Variants in DISC1 observed in about 807,000 individuals in gnomAD.
DISC1 encodes disrupted in schizophrenia 1 protein.
In DISC1, 57 loss-of-function variants were observed where a neutral mutation model predicts 84.5. The observed-to-expected ratio is 0.67, with a 90% confidence interval of 0.55 to 0.84. The LOEUF (loss-of-function observed/expected upper bound fraction) is 0.84, where lower values mean the gene tolerates loss of function less well. Ranked by LOEUF, DISC1 falls within the 40% of genes least tolerant of loss-of-function variation. The probability of loss-of-function intolerance (pLI) is 0.00; values close to 1 mark genes in which losing one functional copy is unlikely to be tolerated. For missense variants in DISC1, 1,000 were observed against 1,057.8 expected (o/e 0.95, Z 0.76); for synonymous variants, 411 against 415.2 (o/e 0.99, Z 0.12).
intron 9 of DISC1, among the ~76,000 whole-genome samples, chr1:231,924,096 A>G (rs2090186267): frequency 6.6e-6 from 1 of 152,244 alleles, no homozygotes; most frequent in African/African-American, 2.4e-5. Context: ...TGATTGAATC[A>G]CAGAATTTAA....
chr1:231,648,826 T>G (rs1261015298), intron 1 of DISC1, among the ~76,000 whole-genome samples: 3 of 152,144 alleles, frequency 2.0e-5, no homozygotes, highest in Non-Finnish European at 4.4e-5. Flanking sequence ...TTCTCCTCGA[T>G]TTTTCTAGTT....
chr1:231,663,146 G>A (rs1412495711), intron 1 of DISC1, among the ~76,000 whole-genome samples: 1 of 152,120 alleles, frequency 6.6e-6, no homozygotes. Flanking sequence ...GATGTAAATA[G>A]TAACAAAAAG....
intron 8 of DISC1, among the ~76,000 whole-genome samples, chr1:231,812,891 T>C (rs968609889): frequency 2.0e-5 from 3 of 152,224 alleles, no homozygotes; most frequent in African/African-American, 7.2e-5. Context: ...AAAATGCCTA[T>C]AAAGTATTGA....
intron 1 of DISC1, among the ~76,000 whole-genome samples, chr1:231,627,967 T>C (rs1188782083): frequency 6.6e-6 from 1 of 152,186 alleles, no homozygotes; most frequent in Non-Finnish European, 1.5e-5. Flanking sequence ...CAGTACCTGC[T>C]TCATAGGGTT....
rs113592724 is a variant in DISC1 at position 231,959,086 on chromosome 1, G to T, written c.2042+198G>T. 22 of 1,357,210 alleles carry T rather than the reference G, an allele frequency of 1.6e-5. No homozygotes were observed. In the African/African-American group the frequency reaches 1.6e-4, roughly 10 times the overall value. 84.1% of individuals were successfully genotyped at this position (1,357,210 alleles called of 1,614,324 possible). On this transcript the variant is annotated intron_variant, in intron 10 of 12. Transcript: ENST00000439617. ...CATCTTGTCTTTTAAAAAGTAAGTA[G>T]ATTAAGATGTTTAAAAGTGTCTTGG...
intron 1 of DISC1, among the ~76,000 whole-genome samples, chr1:231,686,973 C>T (rs1288904695): frequency 2.6e-5 from 4 of 152,154 alleles, no homozygotes; most frequent in East Asian, 1.9e-4. Context: ...TAACAAGAGT[C>T]ACCTTTGCTC....
At chr1:231,948,427 G>C (rs1033644464) in intron 9 of DISC1, among the ~76,000 whole-genome samples, 2 of 152,106 alleles carry the variant, frequency 1.3e-5, no homozygotes, top group African/African-American at 2.4e-5. Context: ...GACATAGGGA[G>C]GGGAACATCA....
chr1:231,952,728 T>A (rs1341000532), intron 9 of DISC1, among the ~76,000 whole-genome samples: 1 of 148,224 alleles, frequency 6.7e-6, no homozygotes, highest in African/African-American at 2.5e-5. Context: ...TATATATATA[T>A]AAACTTATTT....
intron 6 of DISC1, among the ~76,000 whole-genome samples, chr1:231,777,622 A>G (rs1036269586): frequency 2.0e-5 from 3 of 152,248 alleles, no homozygotes; most frequent in Middle Eastern, 3.4e-3. Flanking sequence ...TGTGTGAGCA[A>G]TGCTGGCCAG....
intron 6 of DISC1, among the ~76,000 whole-genome samples, chr1:231,775,107 C>G (rs2076863727): frequency 6.6e-6 from 1 of 152,168 alleles, no homozygotes. Flanking sequence ...GTTACAAAAC[C>G]TAGAGAAACA....
chr1:231,918,840 C>T (rs891261020), intron 9 of DISC1, among the ~76,000 whole-genome samples: 2 of 152,164 alleles, frequency 1.3e-5, no homozygotes, highest in Admixed American at 6.6e-5. Flanking sequence ...TGGAAGGCTT[C>T]GTGCACCAGC....
At chr1:231,966,316 T>C (rs1240616007) in intron 10 of DISC1, among the ~76,000 whole-genome samples, 2 of 152,230 alleles carry the variant, frequency 1.3e-5, no homozygotes, top group Non-Finnish European at 2.9e-5. Flanking sequence ...GGGTTATTGT[T>C]TCCAGAGGTG....
chr1:231,745,808 G>A (rs2073914742), intron 3 of DISC1, among the ~76,000 whole-genome samples: 2 of 152,124 alleles, frequency 1.3e-5, no homozygotes, highest in African/African-American at 4.8e-5. Flanking sequence ...ATGTTGAAAT[G>A]TGATCCCCAG....
chr1:231,804,018 A>G (rs1424444752), intron 8 of DISC1, among the ~76,000 whole-genome samples: 1 of 151,590 alleles, frequency 6.6e-6, no homozygotes, highest in Non-Finnish European at 1.5e-5. Flanking sequence ...GTCACACAGC[A>G]TCACTTCTGC....
chr1:231,723,412 T>C (rs2070156181), intron 3 of DISC1: 1 of 985,600 alleles, frequency 1.0e-6, no homozygotes, highest in African/African-American at 1.7e-5. Context: ...TCCAGAATTA[T>C]TGCTGTGAGA....
rs74144131 is a variant in DISC1, at chr1:231,773,267, T to A, written c.1634+2197T>A. ...ATAGAACTGAGCCCAGGACTTGGTCTGGTTTTCTACCTGTATCCTCTGGTT... is the reference window on the plus strand; with the variant it reads ...ATAGAACTGAGCCCAGGACTTGGTCAGGTTTTCTACCTGTATCCTCTGGTT... On this transcript the variant is annotated intron_variant, in intron 6 of 12. Coordinates refer to ENST00000439617, the MANE Select transcript of DISC1 (RefSeq NM_018662.3). 2.0e-3 allele frequency among the ~76,000 whole-genome samples: 300 copies of A among 152,362 alleles called. 1 individual carries two copies. Among genetic ancestry groups the A allele is most frequent in the African/African-American group, 6.9e-3 (288 of 41,590 alleles).
chr1:231,753,700 A>T (rs993991698), intron 4 of DISC1, among the ~76,000 whole-genome samples: 1 of 152,126 alleles, frequency 6.6e-6, no homozygotes, highest in Non-Finnish European at 1.5e-5. Context: ...TTTCTACCAC[A>T]TGGCCAAGCT....
chr1:231,747,731 C>T (rs2074165017), intron 3 of DISC1, among the ~76,000 whole-genome samples: 2 of 152,010 alleles, frequency 1.3e-5, no homozygotes, highest in Non-Finnish European at 2.9e-5. Flanking sequence ...CTTATGATTA[C>T]TTTGGTTATT....
chr1:231,767,787 G>C (rs199585379), intron 5 of DISC1, among the ~76,000 whole-genome samples: 2 of 152,186 alleles, frequency 1.3e-5, no homozygotes, highest in African/African-American at 2.4e-5. Flanking sequence ...GCCTGTTTTC[G>C]ATATTCCTCA....
Sources: allele counts gnomAD v4.1 joint callset (sites outside exome capture counted in the v4.1 genomes callset), GRCh38; gene constraint gnomAD v4.1.1; transcripts MANE v1.5; gene names NCBI Gene and HGNC (gene_info 2026-07-23, HGNC 2026-07-21).